NIPAL3: variants seen among roughly 807,000 people sequenced by gnomAD.
NIPAL3 encodes NIPA like domain containing 3.
In NIPAL3, 41 loss-of-function variants were observed where a neutral mutation model predicts 47.2. The ratio of observed to expected loss-of-function variants is 0.87; its 90% CI spans 0.68 to 1.13. NIPAL3 has a LOEUF of 1.13. Ranked by LOEUF, NIPAL3 falls within the 50% of genes most tolerant of loss-of-function variation. The probability of loss-of-function intolerance (pLI) is 0.00; values close to 1 mark genes in which losing one functional copy is unlikely to be tolerated. For missense variants in NIPAL3, 449 were observed against 530.1 expected, an observed-to-expected ratio of 0.85 and a Z score of 1.50; for synonymous variants, 194 against 209.6, an observed-to-expected ratio of 0.93 and a Z score of 0.64.
rs1212298752 is a variant in NIPAL3, at chr1:24,419,589, G to A, written c.42G>A (p.Leu14=). 3.1e-6 allele frequency: 5 copies of A among 1,613,972 alleles called. No individual in the cohort carries two copies. Among genetic ancestry groups the A allele is most frequent in the Non-Finnish European group, 4.2e-6 (5 of 1,179,992 alleles). The part of the protein sequence containing the change: ...SHSAALKLQQ[L]PPTSSSSAVS... ...GCGCAGCCCTGAAGCTGCAGCAGCT[G>A]CCTCCCACAAGTAGCTCCAGCGCCG... is the stretch of plus-strand genomic sequence containing the variant. The change falls in exon 2 of 12, where the codon CTG becomes CTA. Residue 14 remains leucine, a synonymous_variant. Coordinates refer to ENST00000374399, the MANE Select transcript of NIPAL3 (RefSeq NM_020448.5).
chr1:24,445,081 T>C, intron 4 of NIPAL3, 104 bp from the exon 5 acceptor site: 1 of 713,438 alleles, frequency 1.4e-6, no homozygotes, highest in Non-Finnish European at 2.5e-6. Context: ...GGTTAGGAAG[T>C]ACCAAGCTCC....
At position 24,470,386 on chromosome 1, in the gene NIPAL3, A is replaced by G. The variant is rs1179875098; in HGVS notation, c.*1201A>G. 6 of 152,210 alleles carry G rather than the reference A, an allele frequency of 3.9e-5. No homozygotes were observed. Among genetic ancestry groups the G allele is most frequent in the African/African-American group, 1.4e-4 (6 of 41,456 alleles). The allele number at this position is 152,210 out of a possible 1,614,324, so 9.4% of individuals were successfully genotyped here. On this transcript the variant is annotated 3_prime_UTR_variant, in exon 12 of 12. Coordinates refer to ENST00000374399, the MANE Select transcript of NIPAL3 (RefSeq NM_020448.5). Reference sequence around the variant, plus strand: ...AGATTCCTGCACCCCAACTGCAGACACTGTTAAGTGGGACTGGAGTGGGGC... The same window carrying G: ...AGATTCCTGCACCCCAACTGCAGACGCTGTTAAGTGGGACTGGAGTGGGGC...
At chr1:24,437,967 G>C (rs146968673) in intron 2 of NIPAL3, among the ~76,000 whole-genome samples, 1 of 152,346 alleles carries the variant, frequency 6.6e-6, no homozygotes, top group East Asian at 1.9e-4. Context: ...TCCAGGTTAA[G>C]AGTTCTAGAG....
chr1:24,441,101 A>G (rs974855902), intron 3 of NIPAL3, among the ~76,000 whole-genome samples: 2 of 152,132 alleles, frequency 1.3e-5, no homozygotes, highest in African/African-American at 2.4e-5. Context: ...GTACCTGCTA[A>G]CAGGATGAAT....
At chr1:24,432,528 A>G (rs1323080811) in intron 2 of NIPAL3, among the ~76,000 whole-genome samples, 1 of 152,154 alleles carries the variant, frequency 6.6e-6, no homozygotes, top group East Asian at 1.9e-4. Flanking sequence ...TTTATTCAAT[A>G]CCTACCCTGT....
intron 2 of NIPAL3, 170 bp downstream of exon 2, chr1:24,419,810 C>T (rs753554409): frequency 6.6e-6 from 4 of 606,614 alleles, no homozygotes; most frequent in Non-Finnish European, 1.2e-5. Context: ...AAGAGATGGG[C>T]CGGGAGTGGT....
Position 24,472,424 on chromosome 1 carries a change from C to T in NIPAL3, c.*3239C>T, listed in dbSNP as rs1440697552. Reference sequence around the variant, plus strand: ...GGAAGGGGTACATCAGGATTCCACTCATAGCCCTGGTTCGTTATTGTTACT... The same window carrying T: ...GGAAGGGGTACATCAGGATTCCACTTATAGCCCTGGTTCGTTATTGTTACT... On this transcript the variant is annotated 3_prime_UTR_variant, in exon 12 of 12. Transcript: ENST00000374399. The T allele has an allele frequency of 6.6e-6, 1 of 152,180 alleles. No homozygotes were observed. Among genetic ancestry groups the T allele is most frequent in the Non-Finnish European group, 1.5e-5 (1 of 68,046 alleles). The allele number at this position is 152,180 out of a possible 1,614,324, so 9.4% of individuals were successfully genotyped here.
rs1483433562 is a variant in NIPAL3, at chr1:24,449,820, T to C, written c.540+194T>C. On this transcript the variant is annotated intron_variant, in intron 6 of 11. Transcript: ENST00000374399. This position sits in a 1 kb window ranked among gnomAD's most constrained non-coding sequence, Gnocchi z 4.5. ...TTTCATTTATGTAATATCAAAACTC[T>C]ACTGGTGGGAGTGTAAATTGGTACA... Among the ~76,000 whole-genome samples, 1 of 152,208 alleles carries C rather than the reference T, an allele frequency of 6.6e-6. No homozygotes were observed. Among genetic ancestry groups the C allele is most frequent in the African/African-American group, 2.4e-5 (1 of 41,456 alleles).
At chr1:24,414,622 C>T (rs1643933508), upstream of NIPAL3, 1 of 147,538 alleles carries the variant, frequency 6.8e-6, no homozygotes. Flanking sequence ...GCAACCTCCG[C>T]CTCCCGAGTT....
At chr1:24,424,349 C>T (rs1233737920) in intron 2 of NIPAL3, among the ~76,000 whole-genome samples, 1 of 152,190 alleles carries the variant, frequency 6.6e-6, no homozygotes, top group African/African-American at 2.4e-5. Context: ...CCTTCCCTCC[C>T]AACGGCTGTG....
At chr1:24,462,695 C>T (rs1043180993) in intron 10 of NIPAL3, among the ~76,000 whole-genome samples, 8 of 151,880 alleles carry the variant, frequency 5.3e-5, no homozygotes, top group Admixed American at 1.3e-4. Flanking sequence ...TGAACCCGAG[C>T]GGCAGAGGTT....
chr1:24,426,617 A>G (rs1644602711), intron 2 of NIPAL3, among the ~76,000 whole-genome samples: 1 of 152,084 alleles, frequency 6.6e-6, no homozygotes, highest in African/African-American at 2.4e-5. Context: ...ATACTTCCTC[A>G]CCCATAAAAT....
chr1:24,427,128 G>A (rs1644626812), intron 2 of NIPAL3, among the ~76,000 whole-genome samples: 1 of 152,204 alleles, frequency 6.6e-6, no homozygotes, highest in Admixed American at 6.5e-5. Context: ...TCCAGAGGTG[G>A]GAGCTGGCCA....
chr1:24,435,770 C>T (rs1645074914), intron 2 of NIPAL3, among the ~76,000 whole-genome samples: 1 of 152,236 alleles, frequency 6.6e-6, no homozygotes, highest in South Asian at 2.1e-4. Flanking sequence ...TTGCCACTGG[C>T]TCCCTGCTTA....
At chr1:24,437,959 C>T (rs141229154) in intron 2 of NIPAL3, among the ~76,000 whole-genome samples, 64 of 152,252 alleles carry the variant, frequency 4.2e-4, no homozygotes, top group African/African-American at 1.5e-3. Context: ...GGCTGGATTC[C>T]AGGTTAAGAG....
At chr1:24,440,425 GC>G (rs1276134656) in intron 3 of NIPAL3, among the ~76,000 whole-genome samples, 185 bp downstream of exon 3, 1 of 152,052 alleles carries the variant, frequency 6.6e-6, no homozygotes, top group Non-Finnish European at 1.5e-5. Flanking sequence ...ACTCCATCCC[GC>G]CCTCGCCCTC....
At chr1:24,443,783 C>T (rs1482862515) in intron 4 of NIPAL3, among the ~76,000 whole-genome samples, 1 of 152,130 alleles carries the variant, frequency 6.6e-6, no homozygotes, top group Non-Finnish European at 1.5e-5. Flanking sequence ...AAGTAGTTTG[C>T]CAGAGTCTCA....
At chr1:24,428,030 A>G (rs2223503) in intron 2 of NIPAL3, among the ~76,000 whole-genome samples, 70,152 of 151,988 alleles carry the variant, frequency 0.46, 18,538 homozygotes, top group African/African-American at 0.74. Context: ...CTTTGAGCCC[A>G]GGAGTTCGAG....
At chr1:24,423,464 T>C (rs1644426035) in intron 2 of NIPAL3, among the ~76,000 whole-genome samples, 2 of 151,934 alleles carry the variant, frequency 1.3e-5, no homozygotes, top group South Asian at 4.2e-4. Context: ...CCATCTCTAC[T>C]CAAAAATACA....
Sources: allele counts gnomAD v4.1 joint callset (sites outside exome capture counted in the v4.1 genomes callset), GRCh38; gene constraint gnomAD v4.1.1; non-coding constraint Gnocchi (gnomAD v3.1); transcripts MANE v1.5; gene names NCBI Gene and HGNC (gene_info 2026-07-23, HGNC 2026-07-21).